DNAH5: variants seen among roughly 807,000 people sequenced by gnomAD.
DNAH5 encodes axonemal beta dynein heavy chain 5.
DNAH5 carries 372 observed loss-of-function variants against 518.2 expected under a neutral mutation model. That is an observed-to-expected ratio of 0.72 (90% confidence interval 0.66 to 0.78). The LOEUF is 0.78. Ranked by LOEUF, DNAH5 falls within the 30% of genes least tolerant of loss-of-function variation. The pLI, the probability that DNAH5 is intolerant of heterozygous loss-of-function variation, is 0.00. For synonymous variants in DNAH5, 2,039 were observed against 2,025.9 expected, an observed-to-expected ratio of 1.01 and a Z score of -0.17; for missense variants, 5,523 against 5,687.0, an observed-to-expected ratio of 0.97 and a Z score of 0.93.
intron 52 of DNAH5, among the ~76,000 whole-genome samples, chr5:13,784,344 A>C (rs946675811): frequency 6.6e-6 from 1 of 152,248 alleles, no homozygotes; most frequent in Non-Finnish European, 1.5e-5. Flanking sequence ...CTATAAATTA[A>C]GAGCGAATTT....
At position 13,901,292 on chromosome 5, in the gene DNAH5, A is replaced by G; in HGVS notation, c.2012T>C (p.Leu671Pro). ...RSYNRMAKVL[L>P]EFEVLFHRAW... ...CCTGTGGAAGAGGACCTCAAACTCC[A>G]GGAGGACCTTGGCCATCCTGTTGTA... The change falls in exon 14 of 79, where the codon CTG (leucine) becomes CCG (proline). Residue 671 changes from leucine (L) to proline (P), a missense_variant. Coordinates refer to ENST00000265104, the MANE Select transcript of DNAH5 (RefSeq NM_001369.3). 6.2e-7 allele frequency: 1 copy of G among 1,614,166 alleles called. No individual in the cohort carries two copies. The highest frequency in any genetic ancestry group is 1.7e-5 in the Admixed American group (1 of 60,030).
At position 13,917,394 on chromosome 5, in the gene DNAH5, G is replaced by A. The variant is rs1045703037; in HGVS notation, c.976-138C>T. 32 of 704,052 alleles carry A rather than the reference G, an allele frequency of 4.5e-5. No individual in the cohort carries two copies. The Middle Eastern group carries it at 1.6e-3, about 36-fold the overall frequency. 43.6% of individuals were successfully genotyped at this position (704,052 alleles called of 1,614,324 possible). A position where few individuals can be genotyped will look rare whatever the true frequency, so the allele number is the denominator to read the frequency against. ...CACAGAAAACTGAATCCAGAGGGGC[G>A]AGAGATATTGCTATGCTGGAAAGCA... On this transcript the variant is annotated intron_variant, in intron 7 of 78. Transcript: ENST00000265104.
intron 72 of DNAH5, 60 bp from the exon 73 acceptor site, chr5:13,717,580 CT>C: frequency 7.5e-7 from 1 of 1,324,590 alleles, no homozygotes; most frequent in Non-Finnish European, 1.1e-6. Flanking sequence ...TTTTCTACTA[CT>C]TTTATAAGTA....
intron 1 of DNAH5, among the ~76,000 whole-genome samples, chr5:13,992,684 T>C (rs1783642283): frequency 6.6e-6 from 1 of 152,250 alleles, no homozygotes; most frequent in Non-Finnish European, 1.5e-5. Context: ...TGAACAACTA[T>C]CGAGTGATCG....
intron 1 of DNAH5, among the ~76,000 whole-genome samples, chr5:13,950,785 G>A (rs947385070): frequency 7.9e-5 from 12 of 151,998 alleles, no homozygotes; most frequent in African/African-American, 1.9e-4. Context: ...AGATAGTATC[G>A]CCTAGCTTGG....
chr5:14,003,415 CT>C (rs1421064926), intron 1 of DNAH5, among the ~76,000 whole-genome samples: 1 of 152,178 alleles, frequency 6.6e-6, no homozygotes, highest in Non-Finnish European at 1.5e-5. Context: ...ACTTTGCCTT[CT>C]TTGGTAGGTA....
chr5:13,919,604 G>T (rs1325295597), intron 6 of DNAH5, among the ~76,000 whole-genome samples: 1 of 152,070 alleles, frequency 6.6e-6, no homozygotes, highest in Non-Finnish European at 1.5e-5. Context: ...TTTATATTTT[G>T]GGGGGTTTTT....
At chr5:13,869,715 ATAT>A (rs1201842485) in intron 24 of DNAH5, among the ~76,000 whole-genome samples, 1 of 152,148 alleles carries the variant, frequency 6.6e-6, no homozygotes, top group Non-Finnish European at 1.5e-5. Context: ...TTGATTGACA[ATAT>A]TATGGTAATT....
At chr5:13,961,322 T>C (rs1781160196) in intron 1 of DNAH5, among the ~76,000 whole-genome samples, 1 of 152,196 alleles carries the variant, frequency 6.6e-6, no homozygotes, top group Non-Finnish European at 1.5e-5. Context: ...CCTATTCCCA[T>C]TTTCCAAATG....
intron 11 of DNAH5, 40 bp downstream of exon 11, chr5:13,913,703 T>C: frequency 3.7e-6 from 6 of 1,609,070 alleles, no homozygotes; most frequent in Non-Finnish European, 5.1e-6. Context: ...GAAGTTTAGT[T>C]GTGGATTATG....
intron 65 of DNAH5, among the ~76,000 whole-genome samples, chr5:13,744,969 G>A (rs1047972987): frequency 3.3e-5 from 5 of 152,044 alleles, no homozygotes; most frequent in African/African-American, 1.2e-4. Context: ...TGATAACGAT[G>A]TCTGTTTAAT....
Position 13,902,124 on chromosome 5 carries a change from C to T in DNAH5, c.1659G>A (p.Lys553=). Residue 553 remains lysine, a synonymous_variant, in exon 13 of 79, where the codon AAG becomes AAA. Coordinates refer to ENST00000265104, the MANE Select transcript of DNAH5 (RefSeq NM_001369.3). ...TCTTTGCAAATGTAACATCCATGAACTTCCGCAACTCGTTCTAAAACAGAA... is the reference window on the plus strand; with the variant it reads ...TCTTTGCAAATGTAACATCCATGAATTTCCGCAACTCGTTCTAAAACAGAA... ...QTNDLHNELR[K]FMDVTFAKIQ... 1 of 1,607,046 alleles carries T rather than the reference C, an allele frequency of 6.2e-7. No homozygotes were observed. The highest frequency in any genetic ancestry group is 8.5e-7 in the Non-Finnish European group (1 of 1,175,146).
chr5:13,900,845 T>G (rs1039193108), intron 14 of DNAH5: 1 of 309,752 alleles, frequency 3.2e-6, no homozygotes, highest in Non-Finnish European at 6.1e-6. Flanking sequence ...AAGAAATACA[T>G]GTATTGGTAG....
At chr5:13,899,987 T>A in intron 15 of DNAH5, 1 of 567,812 alleles carries the variant, frequency 1.8e-6, no homozygotes, top group Non-Finnish European at 3.1e-6. Context: ...GGTTTCCTGG[T>A]ACACTCAAAA....
rs1265696882 is a variant in DNAH5 at position 13,931,121 on chromosome 5, C to CA, written c.180dup (p.Glu61Ter). ...GAAACGCATCCCACCTGATTCCCTT[C>CA]AAGAATGGCATCCTCCACTTCGGTT... On this transcript the variant is annotated frameshift_variant, in exon 2 of 79. Coordinates refer to ENST00000265104, the MANE Select transcript of DNAH5 (RefSeq NM_001369.3). LOFTEE classifies it high-confidence loss of function. 6.2e-7 allele frequency: 1 copy of CA among 1,613,986 alleles called. No individual in the cohort carries two copies. Among genetic ancestry groups the CA allele is most frequent in the Non-Finnish European group, 8.5e-7 (1 of 1,179,962 alleles).
chr5:13,959,780 C>A (rs1458433267), intron 1 of DNAH5, among the ~76,000 whole-genome samples: 1 of 152,148 alleles, frequency 6.6e-6, no homozygotes, highest in Non-Finnish European at 1.5e-5. Flanking sequence ...CCAGCCTGAC[C>A]AACATGGTGA....
intron 75 of DNAH5, among the ~76,000 whole-genome samples, chr5:13,709,618 G>A (rs1002816659): frequency 1.3e-5 from 2 of 152,084 alleles, no homozygotes; most frequent in Non-Finnish European, 2.9e-5. Context: ...CATTAGCTCC[G>A]GATCTACTCC....
intron 17 of DNAH5, among the ~76,000 whole-genome samples, chr5:13,889,532 G>A (rs1214576351): frequency 6.6e-6 from 1 of 152,178 alleles, no homozygotes; most frequent in Non-Finnish European, 1.5e-5. Flanking sequence ...ATTTTAGGAG[G>A]GTTCCCCCTG....
intron 47 of DNAH5, among the ~76,000 whole-genome samples, chr5:13,794,480 A>G (rs1193723251): frequency 6.6e-6 from 1 of 152,184 alleles, no homozygotes; most frequent in East Asian, 1.9e-4. Flanking sequence ...ACAGCCCATC[A>G]TGGTCTGAAG....
Sources: gnomAD v4.1 joint callset for allele counts (sites outside exome capture counted in the v4.1 genomes callset) on GRCh38, gnomAD v4.1.1 for gene constraint, MANE v1.5 for transcripts, NCBI Gene and HGNC (gene_info 2026-07-23, HGNC 2026-07-21) for gene names.